Variants in BTLA observed in about 807,000 individuals in gnomAD.
The protein encoded by BTLA is B- and T-lymphocyte attenuator.
A neutral mutation model predicts 25.0 loss-of-function variants in BTLA; 11 were observed. The observed-to-expected ratio is 0.44, with a 90% confidence interval of 0.28 to 0.73. The LOEUF (loss-of-function observed/expected upper bound fraction) is 0.73, where lower values mean the gene tolerates loss of function less well. BTLA is among the 30% of genes least tolerant of loss of function. The pLI, the probability that BTLA is intolerant of heterozygous loss-of-function variation, is 0.15. For missense variants in BTLA, 282 were observed against 332.8 expected, an observed-to-expected ratio of 0.85 and a Z score of 1.19; for synonymous variants, 104 against 119.8, an observed-to-expected ratio of 0.87 and a Z score of 0.86.
intron 2 of BTLA, among the ~76,000 whole-genome samples, chr3:112,472,635 G>A (rs992336767): frequency 4.6e-5 from 7 of 151,996 alleles, no homozygotes; most frequent in Non-Finnish European, 7.4e-5. Context: ...TGGAGACTTC[G>A]GTGAACCGAG....
At chr3:112,496,425 A>AT (rs1277022364) in intron 1 of BTLA, among the ~76,000 whole-genome samples, 1 of 152,082 alleles carries the variant, frequency 6.6e-6, no homozygotes, top group Non-Finnish European at 1.5e-5. Flanking sequence ...AGAACATTAC[A>AT]TTTTTTCCAG....
At chr3:112,498,032 T>TA (rs2082419228) in intron 1 of BTLA, among the ~76,000 whole-genome samples, 1 of 151,930 alleles carries the variant, frequency 6.6e-6, no homozygotes, top group Non-Finnish European at 1.5e-5. Context: ...CTGACTTTCT[T>TA]AAAAAACAGG....
chr3:112,469,710 A>C, intron 4 of BTLA, 48 bp downstream of exon 4: 1 of 1,514,238 alleles, frequency 6.6e-7, no homozygotes. Context: ...ATAAATAAAC[A>C]CAGTATAACA....
At position 112,464,187 on chromosome 3, in the gene BTLA, T is replaced by C. The variant is rs2082212475; in HGVS notation, c.*1921A>G. The C allele has an allele frequency of 2.5e-6, 1 of 397,902 alleles. No individual in the cohort carries two copies. Among genetic ancestry groups the C allele is most frequent in the Admixed American group, 4.4e-5 (1 of 22,712 alleles). 24.6% of individuals were successfully genotyped at this position (397,902 alleles called of 1,614,324 possible). On this transcript the variant is annotated 3_prime_UTR_variant, in exon 5 of 5. Coordinates refer to ENST00000334529, the MANE Select transcript of BTLA (RefSeq NM_181780.4). ...AAGGAATAAAAACATAAATGATTTG[T>C]GATTTTGGCAAACAGTACAAATATA...
At chr3:112,494,084 T>A (rs2082394936) in intron 1 of BTLA, among the ~76,000 whole-genome samples, 1 of 151,898 alleles carries the variant, frequency 6.6e-6, no homozygotes, top group African/African-American at 2.4e-5. Flanking sequence ...CACTCCAGCC[T>A]GGGCGACAGA....
At chr3:112,473,383 G>A (rs146906142) in intron 2 of BTLA, among the ~76,000 whole-genome samples, 102 of 152,028 alleles carry the variant, frequency 6.7e-4, no homozygotes, top group Middle Eastern at 6.8e-3. Flanking sequence ...TAAATACAAC[G>A]CAATCTTTGT....
chr3:112,479,547 G>A lies in BTLA; in HGVS notation c.311C>T (p.Pro104Leu). Residue 104 changes from proline (P) to leucine (L), a missense_variant, in exon 2 of 5, where the codon CCA becomes CTA. This residue lies in a region of BTLA where 163 missense variants were observed against 230.4 expected (regional missense o/e 0.71). Coordinates refer to ENST00000334529, the MANE Select transcript of BTLA (RefSeq NM_181780.4). ...TGACCCATTGTCATTAGGAAGCACTGGTTCAAAATGTAGAATGAAAAATGA... is the reference window on the plus strand; with the variant it reads ...TGACCCATTGTCATTAGGAAGCACTAGTTCAAAATGTAGAATGAAAAATGA... ...NISFFILHFE[P>L]VLPNDNGSYR... is the part of the protein sequence containing the mutation. 1 of 1,614,048 alleles carries A rather than the reference G, an allele frequency of 6.2e-7. No homozygotes were observed. Among genetic ancestry groups the A allele is most frequent in the South Asian group, 1.1e-5 (1 of 91,082 alleles).
At chr3:112,487,738 T>C (rs1354343289) in intron 1 of BTLA, among the ~76,000 whole-genome samples, 2 of 152,204 alleles carry the variant, frequency 1.3e-5, no homozygotes, top group Admixed American at 6.5e-5. Flanking sequence ...CTGAAAGTCT[T>C]ACACCACTTT....
chr3:112,484,015 G>A (rs1286862892), intron 1 of BTLA, among the ~76,000 whole-genome samples: 1 of 151,996 alleles, frequency 6.6e-6, no homozygotes, highest in African/African-American at 2.4e-5. Flanking sequence ...TCTGCAGAAG[G>A]TTAACTTCAG....
intron 2 of BTLA, among the ~76,000 whole-genome samples, chr3:112,474,864 A>G (rs949452316): frequency 3.3e-5 from 5 of 152,238 alleles, no homozygotes; most frequent in African/African-American, 1.2e-4. Flanking sequence ...CTGTATATGG[A>G]ATCCAGAAAC....
At chr3:112,491,264 T>G (rs2082378451) in intron 1 of BTLA, among the ~76,000 whole-genome samples, 1 of 152,142 alleles carries the variant, frequency 6.6e-6, no homozygotes, top group African/African-American at 2.4e-5. Context: ...TACACATTCT[T>G]TGCCACTTGC....
intron 4 of BTLA, among the ~76,000 whole-genome samples, chr3:112,467,431 C>G (rs1389674323): frequency 6.6e-6 from 1 of 152,208 alleles, no homozygotes; most frequent in Non-Finnish European, 1.5e-5. Context: ...TGTGTTCATT[C>G]TAGGGGCTAT....
chr3:112,466,378 A>G lies in BTLA; in HGVS notation c.600T>C (p.Asp200=). ...CTGTTTGCTCACTCTTAAGGTGAGC[A>G]TCAACCTACAATAGAAAAAAAGATG... is the stretch of plus-strand genomic sequence containing the variant. ...DTAGREINLV[D]AHLKSEQTEA... The change falls in exon 5 of 5, where the codon GAT becomes GAC. Residue 200 remains aspartate, a synonymous_variant. Transcript: ENST00000334529. The G allele has an allele frequency of 1.3e-6, 2 of 1,594,762 alleles. No homozygotes were observed. The highest frequency in any genetic ancestry group is 8.6e-7 in the Non-Finnish European group (1 of 1,168,218).
At chr3:112,486,402 T>C (rs1444845692) in intron 1 of BTLA, among the ~76,000 whole-genome samples, 2 of 152,050 alleles carry the variant, frequency 1.3e-5, no homozygotes, top group Non-Finnish European at 2.9e-5. Context: ...AAAAGAAATA[T>C]AGACAATGAA....
At chr3:112,477,357 G>GTTT (rs71134836) in intron 2 of BTLA, among the ~76,000 whole-genome samples, 10 of 148,644 alleles carry the variant, frequency 6.7e-5, no homozygotes, top group Admixed American at 1.3e-4. Context: ...TATTTTCTGT[G>GTTT]TTTTTTTTTT....
At chr3:112,498,725 T>G (rs1281231940) in intron 1 of BTLA, among the ~76,000 whole-genome samples, 1 of 152,080 alleles carries the variant, frequency 6.6e-6, no homozygotes, top group Non-Finnish European at 1.5e-5. Context: ...AAAGTTCTGC[T>G]CCTATATTTT....
chr3:112,481,891 A>G (rs1277405039), intron 1 of BTLA, among the ~76,000 whole-genome samples: 1 of 152,138 alleles, frequency 6.6e-6, no homozygotes, highest in Non-Finnish European at 1.5e-5. Context: ...AGCAGCCTAA[A>G]TGCTTTGCGG....
intron 2 of BTLA, 47 bp from the exon 3 acceptor site, chr3:112,471,402 AT>A: frequency 1.3e-6 from 2 of 1,593,408 alleles, no homozygotes; most frequent in Non-Finnish European, 1.7e-6. Context: ...TCTGAGATAT[AT>A]TGGGATCAGC....
At chr3:112,472,472 G>A (rs1000192452) in intron 2 of BTLA, among the ~76,000 whole-genome samples, 10 of 152,004 alleles carry the variant, frequency 6.6e-5, no homozygotes, top group African/African-American at 9.6e-5. Flanking sequence ...CGAGGTAGGC[G>A]GATCACTTGA....
Sources: gnomAD v4.1 joint callset for allele counts (sites outside exome capture counted in the v4.1 genomes callset) on GRCh38, gnomAD v4.1.1 for gene constraint, gnomAD v4.1.1 regional missense constraint, MANE v1.5 for transcripts, NCBI Gene and HGNC (gene_info 2026-07-23, HGNC 2026-07-21) for gene names.